The following FAM13A variants were observed in gnomAD, a reference collection of about 807,000 sequenced individuals.
FAM13A encodes the protein family with sequence similarity 13 member A.
FAM13A carries 76 observed loss-of-function variants against 129.6 expected under a neutral mutation model. That is an observed-to-expected ratio of 0.59 (90% CI 0.49 to 0.71). The LOEUF is 0.71. FAM13A is among the 30% of genes least tolerant of loss of function. The pLI is 0.00. For synonymous variants in FAM13A, 443 were observed against 449.9 expected (o/e 0.98, Z 0.20); for missense variants, 1,108 against 1,249.3 (o/e 0.89, Z 1.70).
chr4:88,739,702 G>A (rs2602113), intron 19 of FAM13A, among the ~76,000 whole-genome samples: 37,702 of 145,752 alleles, frequency 0.26, 5,944 homozygotes, highest in African/African-American at 0.44. Context: ...GTGGAGAATC[G>A]CTTGAACACA....
At chr4:88,865,036 G>C (rs1020706220) in intron 6 of FAM13A, among the ~76,000 whole-genome samples, 1 of 152,054 alleles carries the variant, frequency 6.6e-6, no homozygotes, top group Non-Finnish European at 1.5e-5. Flanking sequence ...AAGTATCTGC[G>C]AAAAAATGTA....
At chr4:88,958,393 G>A (rs1314261243) in intron 4 of FAM13A, among the ~76,000 whole-genome samples, 1 of 152,096 alleles carries the variant, frequency 6.6e-6, no homozygotes, top group African/African-American at 2.4e-5. Context: ...AGCTTGAGCT[G>A]ATACTTTGGA....
intron 11 of FAM13A, among the ~76,000 whole-genome samples, chr4:88,776,846 C>T (rs917613990): frequency 3.3e-5 from 5 of 151,914 alleles, no homozygotes; most frequent in African/African-American, 1.2e-4. Context: ...CAGTGGTGTG[C>T]GCCTGTAAAC....
intron 4 of FAM13A, among the ~76,000 whole-genome samples, chr4:88,967,566 T>A (rs1232504565): frequency 6.6e-6 from 1 of 152,206 alleles, no homozygotes; most frequent in East Asian, 1.9e-4. Flanking sequence ...TCTTAATTTA[T>A]AATGTGAGCC....
rs762451646 is a variant in FAM13A at position 89,056,978 on chromosome 4, G to C, written c.-14C>G. 2 of 1,612,298 alleles carry C rather than the reference G, an allele frequency of 1.2e-6. No individual in the cohort carries two copies. The highest frequency in any genetic ancestry group is 1.7e-5 in the Admixed American group (1 of 59,838). ...TCCTGCCCCCATTCTCTCAGAAAGC[G>C]TCTGGAAGAACTGAGGAAGACCAGA... is the stretch of plus-strand genomic sequence containing the variant. On this transcript the variant is annotated 5_prime_UTR_variant, in exon 1 of 24. Coordinates refer to ENST00000264344, the MANE Select transcript of FAM13A (RefSeq NM_014883.4).
At chr4:89,004,653 G>C (rs923018312) in intron 3 of FAM13A, among the ~76,000 whole-genome samples, 4 of 152,144 alleles carry the variant, frequency 2.6e-5, no homozygotes, top group African/African-American at 9.7e-5. Flanking sequence ...TTAGAATAGA[G>C]AAAGGCTAAG....
At chr4:88,809,479 A>G (rs1729224564) in intron 7 of FAM13A, among the ~76,000 whole-genome samples, 1 of 152,212 alleles carries the variant, frequency 6.6e-6, no homozygotes, top group Non-Finnish European at 1.5e-5. Context: ...GGTCCCATTC[A>G]TTGAAGAAAC....
chr4:88,951,122 G>C (rs1184412110), intron 4 of FAM13A, among the ~76,000 whole-genome samples: 1 of 152,164 alleles, frequency 6.6e-6, no homozygotes, highest in Non-Finnish European at 1.5e-5. Context: ...TATTATATGT[G>C]TCACCCTGGA....
intron 6 of FAM13A, among the ~76,000 whole-genome samples, chr4:88,859,093 C>G (rs1466575588): frequency 1.3e-5 from 2 of 151,646 alleles, no homozygotes; most frequent in Non-Finnish European, 2.9e-5. Context: ...TTTTTTCTTT[C>G]TCCATTTTCA....
At chr4:88,744,978 AAG>A (rs1278054281) in intron 19 of FAM13A, among the ~76,000 whole-genome samples, 1 of 152,220 alleles carries the variant, frequency 6.6e-6, no homozygotes, top group African/African-American at 2.4e-5. Context: ...TCTTAATGAT[AAG>A]AGAGCTATGA....
intron 4 of FAM13A, among the ~76,000 whole-genome samples, chr4:88,950,889 T>C (rs1756838640): frequency 6.6e-6 from 1 of 152,316 alleles, no homozygotes; most frequent in African/African-American, 2.4e-5. Context: ...CCAACAGCTG[T>C]TATTAAACCA....
At chr4:88,949,801 T>C (rs1340699420) in intron 4 of FAM13A, among the ~76,000 whole-genome samples, 6 of 152,224 alleles carry the variant, frequency 3.9e-5, no homozygotes, top group Non-Finnish European at 8.8e-5. Context: ...ATATTATGTA[T>C]GTCAGCTTCC....
At chr4:88,927,419 T>C (rs999177515) in intron 5 of FAM13A, among the ~76,000 whole-genome samples, 2 of 149,022 alleles carry the variant, frequency 1.3e-5, no homozygotes, top group Admixed American at 6.7e-5. Context: ...CTTACTCTAC[T>C]CCAATTTGGA....
intron 5 of FAM13A, among the ~76,000 whole-genome samples, chr4:88,934,464 C>G (rs928548103): frequency 6.6e-6 from 1 of 152,152 alleles, no homozygotes; most frequent in Non-Finnish European, 1.5e-5. Flanking sequence ...ACTTTTCTCA[C>G]TAAATTTTGT....
chr4:88,990,070 A>G (rs772193048), intron 4 of FAM13A: 5 of 152,320 alleles, frequency 3.3e-5, no homozygotes, highest in South Asian at 2.1e-4. Context: ...CCATTACTTA[A>G]AAGTTAACAC....
chr4:88,861,178 C>T (rs550056498), intron 6 of FAM13A, among the ~76,000 whole-genome samples: 7 of 151,974 alleles, frequency 4.6e-5, no homozygotes, highest in South Asian at 2.1e-4. Flanking sequence ...GTCAGGAGTT[C>T]GTGACCAGCC....
intron 23 of FAM13A, among the ~76,000 whole-genome samples, chr4:88,730,431 A>G (rs551831034): frequency 7.2e-5 from 11 of 152,268 alleles, no homozygotes; most frequent in African/African-American, 2.6e-4. Context: ...CTTGCTCTGT[A>G]GCCCAGGCTG....
chr4:88,910,587 C>T (rs1748936838), intron 5 of FAM13A, among the ~76,000 whole-genome samples: 1 of 152,018 alleles, frequency 6.6e-6, no homozygotes, highest in South Asian at 2.1e-4. Context: ...CTCTCTATCC[C>T]CTACCCTATT....
At chr4:88,800,152 G>A (rs1377120051) in intron 8 of FAM13A, among the ~76,000 whole-genome samples, 1 of 152,124 alleles carries the variant, frequency 6.6e-6, no homozygotes, top group African/African-American at 2.4e-5. Context: ...ATAGGGAAAG[G>A]AGGAAATGAG....
Sources: allele counts gnomAD v4.1 joint callset (sites outside exome capture counted in the v4.1 genomes callset), GRCh38; gene constraint gnomAD v4.1.1; transcripts MANE v1.5; gene names NCBI Gene and HGNC (gene_info 2026-07-23, HGNC 2026-07-21).